Variants in INTS14 observed in about 807,000 individuals in gnomAD.
INTS14 encodes the protein integrator complex subunit 14, also known as UPF0464 protein C15orf44.
In INTS14, 27 loss-of-function variants were observed where a neutral mutation model predicts 56.9. The ratio of observed to expected loss-of-function variants is 0.47; its 90% CI spans 0.35 to 0.65. The LOEUF is 0.65. Among genes scored for constraint, INTS14 ranks in the 30% least tolerant of loss-of-function variants. The pLI is 0.00. For synonymous variants in INTS14, 207 were observed against 236.2 expected (o/e 0.88, Z 1.13); for missense variants, 517 against 632.2 (o/e 0.82, Z 1.95).
chr15:65,590,469 A>G (rs1197105373), intron 9 of INTS14, among the ~76,000 whole-genome samples: 2 of 152,008 alleles, frequency 1.3e-5, no homozygotes, highest in African/African-American at 4.8e-5. Flanking sequence ...CCAATCTCCA[A>G]TCTACCATCT....
At chr15:65,605,045 G>T in intron 3 of INTS14, 84 bp downstream of exon 3, 1 of 956,200 alleles carries the variant, frequency 1.0e-6, no homozygotes, top group Non-Finnish European at 1.7e-6. Context: ...TACAATGCAT[G>T]CTGTGTCAGA....
chr15:65,595,861 C>G (rs2073192801), intron 6 of INTS14, 36 bp from the exon 7 acceptor site: 16 of 1,497,880 alleles, frequency 1.1e-5, no homozygotes, highest in Non-Finnish European at 1.5e-5. Context: ...TTAATTCATT[C>G]TATGGAAAAG....
At chr15:65,584,979 T>C in intron 9 of INTS14, 91 bp from the exon 10 acceptor site, 1 of 1,039,006 alleles carries the variant, frequency 9.6e-7, no homozygotes, top group South Asian at 1.7e-5. Flanking sequence ...AATCACTCAA[T>C]CTTTGATATC....
In INTS14 at chr15:65,605,248, A is replaced by C. The variant is rs2073604248; in HGVS notation, c.223-12T>G. 1 of 1,597,558 alleles carries C rather than the reference A, an allele frequency of 6.3e-7. No homozygotes were observed. The highest frequency in any genetic ancestry group is 8.6e-7 in the Non-Finnish European group (1 of 1,165,670). On this transcript the variant is annotated splice_polypyrimidine_tract_variant and intron_variant, in intron 2 of 11. Coordinates refer to ENST00000313182, the MANE Select transcript of INTS14 (RefSeq NM_001394796.1). ...TTACTTAGTGCTTCCTTATTGAATA[A>C]AAGATAAAATTGCTAGTTACTCTTT...
At chr15:65,588,247 C>A (rs192972604) in intron 9 of INTS14, among the ~76,000 whole-genome samples, 43 of 151,992 alleles carry the variant, frequency 2.8e-4, no homozygotes, top group African/African-American at 9.4e-4. Context: ...TGAGATCACG[C>A]CACTACAGTC....
intron 1 of INTS14, chr15:65,610,715 G>T (rs1182741519): frequency 6.5e-7 from 1 of 1,535,522 alleles, no homozygotes. Flanking sequence ...TCAGCCTCCG[G>T]GAGTCCCTCC....
intron 3 of INTS14, among the ~76,000 whole-genome samples, chr15:65,601,731 G>A (rs2073441837): frequency 6.6e-6 from 1 of 152,176 alleles, no homozygotes; most frequent in Non-Finnish European, 1.5e-5. Context: ...AGGTCCCCTG[G>A]AAGGATGTCA....
chr15:65,596,389 TATATA>T (rs545949252), intron 6 of INTS14, among the ~76,000 whole-genome samples: 65 of 152,304 alleles, frequency 4.3e-4, no homozygotes, highest in Non-Finnish European at 8.2e-4. Flanking sequence ...ACATTTCGAT[TATATA>T]ATATAAAAAC....
At chr15:65,581,430 A>C (rs373663385) in intron 11 of INTS14, among the ~76,000 whole-genome samples, 1 of 96,716 alleles carries the variant, frequency 1.0e-5, no homozygotes, top group South Asian at 2.7e-4. Context: ...TGCCTGTAGT[A>C]CTAGCTACTC....
At chr15:65,590,389 TC>T (rs2072981225) in intron 9 of INTS14, among the ~76,000 whole-genome samples, 1 of 152,224 alleles carries the variant, frequency 6.6e-6, no homozygotes, top group Non-Finnish European at 1.5e-5. Flanking sequence ...TTCAGTGGTT[TC>T]CCAGTATCTG....
chr15:65,587,413 T>C (rs1207089777), intron 9 of INTS14, among the ~76,000 whole-genome samples: 3 of 150,158 alleles, frequency 2.0e-5, no homozygotes, highest in East Asian at 2.2e-4. Context: ...GAATTAGTTA[T>C]ATAGAAAACA....
In INTS14 at chr15:65,605,165, G is replaced by A. The variant is rs759268639; in HGVS notation, c.294C>T (p.Ile98=). 22 of 1,614,114 alleles carry A rather than the reference G, an allele frequency of 1.4e-5. No homozygotes were observed. The East Asian group carries it at 3.8e-4, about 28-fold the overall frequency. The change falls in exon 3 of 12, where the codon ATC becomes ATT. Residue 98 remains isoleucine, a synonymous_variant. Transcript: ENST00000313182. The part of the protein sequence containing the change: ...LESALVGVCN[I]VQQEWGGAIP... ...TTGCACCACCCCATTCTTGCTGAAC[G>A]ATATTGCAAACACCAACTAATGCAG... is the stretch of plus-strand genomic sequence containing the variant.
In INTS14 at chr15:65,607,508, A is replaced by T. The variant is rs112673182; in HGVS notation, c.-62-66T>A. 1,367 of 1,482,870 alleles carry T rather than the reference A, an allele frequency of 9.2e-4. 6 individuals carry two copies. In the African/African-American group the frequency reaches 0.017, roughly 19 times the overall value. The allele number at this position is 1,482,870 out of a possible 1,614,324, so 91.9% of individuals were successfully genotyped here. A position where few individuals can be genotyped will look rare whatever the true frequency, so the allele number is the denominator to read the frequency against. On this transcript the variant is annotated intron_variant, in intron 1 of 11. Transcript: ENST00000313182. ...AATAATATTTTTCACCATAACTTTA[A>T]CTAACTTCTCAGAAATTAGCAGAGG...
chr15:65,586,227 A>ATAT, intron 9 of INTS14, among the ~76,000 whole-genome samples: 1 of 152,230 alleles, frequency 6.6e-6, no homozygotes, highest in Non-Finnish European at 1.5e-5. Flanking sequence ...ACTATGTGCA[A>ATAT]GATACTTTAC....
At chr15:65,584,149 T>C (rs2072732633) in intron 10 of INTS14, among the ~76,000 whole-genome samples, 1 of 152,214 alleles carries the variant, frequency 6.6e-6, no homozygotes, top group Non-Finnish European at 1.5e-5. Flanking sequence ...CATTCCTTGA[T>C]AATCATATTA....
chr15:65,599,053 C>T (rs1234430283), intron 4 of INTS14, 63 bp from the exon 5 acceptor site: 2 of 1,211,986 alleles, frequency 1.7e-6, no homozygotes, highest in African/African-American at 1.5e-5. Flanking sequence ...ATTCTCAGCT[C>T]ACCAAGGTCA....
At chr15:65,580,349 A>G (rs962073097) in intron 11 of INTS14, among the ~76,000 whole-genome samples, 4 of 152,200 alleles carry the variant, frequency 2.6e-5, no homozygotes, top group African/African-American at 9.7e-5. Context: ...AAAACCAGAA[A>G]AGAGAAATGG....
chr15:65,606,553 C>T (rs1324228764), intron 2 of INTS14, among the ~76,000 whole-genome samples: 1 of 152,074 alleles, frequency 6.6e-6, no homozygotes, highest in Non-Finnish European at 1.5e-5. Flanking sequence ...CCACACCTGG[C>T]CCACAAACAC....
chr15:65,606,027 G>A (rs1055581007), intron 2 of INTS14, among the ~76,000 whole-genome samples: 1 of 151,402 alleles, frequency 6.6e-6, no homozygotes, highest in Non-Finnish European at 1.5e-5. Context: ...ACGCCGAGGC[G>A]GGCGGATCAT....
Sources: gnomAD v4.1 joint callset for allele counts (sites outside exome capture counted in the v4.1 genomes callset) on GRCh38, gnomAD v4.1.1 for gene constraint, MANE v1.5 for transcripts, NCBI Gene and HGNC (gene_info 2026-07-23, HGNC 2026-07-21) for gene names.